The following LYPLAL1 variants were observed in gnomAD, a reference collection of about 807,000 sequenced individuals.
The protein encoded by LYPLAL1 is lysophospholipase like 1.
Under a neutral mutation model 19.7 loss-of-function variants are expected in LYPLAL1, and 23 were observed. The ratio of observed to expected loss-of-function variants is 1.17; its 90% CI spans 0.84 to 1.65. LYPLAL1 has a LOEUF of 1.65. Ranked by LOEUF, LYPLAL1 falls within the 40% of genes most tolerant of loss-of-function variation. The pLI is 0.00. For synonymous variants in LYPLAL1, 119 were observed against 96.3 expected, an observed-to-expected ratio of 1.24 and a Z score of -1.38; for missense variants, 355 against 279.4, an observed-to-expected ratio of 1.27 and a Z score of -1.93.
intron 3 of LYPLAL1, among the ~76,000 whole-genome samples, chr1:219,201,676 A>T (rs1658114799): frequency 6.6e-6 from 1 of 152,192 alleles, no homozygotes; most frequent in Admixed American, 6.5e-5. Flanking sequence ...TGAGATACAG[A>T]AAGAGACCAC....
chr1:219,371,972 G>C, the LYPLAL1 span, among the ~76,000 whole-genome samples: 151 of 152,264 alleles, frequency 9.9e-4, no homozygotes, highest in African/African-American at 3.4e-3. Flanking sequence ...GAAATCATCA[G>C]ACTTCCCTTC....
chr1:219,250,927 G>A, the LYPLAL1 span, among the ~76,000 whole-genome samples: 4 of 152,022 alleles, frequency 2.6e-5, no homozygotes, highest in Non-Finnish European at 5.9e-5. Context: ...CACCAACAGT[G>A]TATAAGTGTT....
the LYPLAL1 span, among the ~76,000 whole-genome samples, chr1:219,432,010 T>C: frequency 6.6e-6 from 1 of 152,242 alleles, no homozygotes; most frequent in Non-Finnish European, 1.5e-5. Flanking sequence ...TAGATGCTCA[T>C]TGATAGCAAC....
At chr1:219,396,709 T>C in the LYPLAL1 span, among the ~76,000 whole-genome samples, 1 of 152,230 alleles carries the variant, frequency 6.6e-6, no homozygotes, top group African/African-American at 2.4e-5. Context: ...GAAATTGTGT[T>C]CTGATTTTGC....
At chr1:219,208,868 T>TA (rs1358943832) in intron 3 of LYPLAL1, among the ~76,000 whole-genome samples, 5 of 152,114 alleles carry the variant, frequency 3.3e-5, no homozygotes, top group African/African-American at 9.7e-5. Flanking sequence ...TCTGTGTACT[T>TA]ACAATAAATG....
At chr1:219,217,382 G>GTGTGTGTGTGTGTGTGTT, downstream of LYPLAL1, among the ~76,000 whole-genome samples, 1 of 133,246 alleles carries the variant, frequency 7.5e-6, no homozygotes, top group South Asian at 2.3e-4. Flanking sequence ...CAGGTTTGGT[G>GTGTGTGTGTGTGTGTGTT]TGTGTGTGTG....
chr1:219,184,455 A>C (rs1376063211), intron 2 of LYPLAL1, among the ~76,000 whole-genome samples: 1 of 151,556 alleles, frequency 6.6e-6, no homozygotes, highest in African/African-American at 2.4e-5. Flanking sequence ...ATTTTATTTC[A>C]TTGTCTTGCT....
chr1:219,254,381 C>T, the LYPLAL1 span, among the ~76,000 whole-genome samples: 17 of 151,914 alleles, frequency 1.1e-4, no homozygotes, highest in Non-Finnish European at 2.4e-4. Context: ...TGACACTGGT[C>T]TGTGGGTTTA....
the LYPLAL1 span, among the ~76,000 whole-genome samples, chr1:219,399,421 C>T: frequency 5.9e-5 from 9 of 152,106 alleles, no homozygotes; most frequent in African/African-American, 1.9e-4. Context: ...ATGGCAGTTG[C>T]CAGGATAAGG....
At chr1:219,391,345 C>T in the LYPLAL1 span, among the ~76,000 whole-genome samples, 1 of 152,136 alleles carries the variant, frequency 6.6e-6, no homozygotes, top group South Asian at 2.1e-4. Context: ...ATGCAGACAG[C>T]CAAGCAAAAG....
At chr1:219,352,565 G>C in the LYPLAL1 span, among the ~76,000 whole-genome samples, 3 of 152,178 alleles carry the variant, frequency 2.0e-5, no homozygotes, top group East Asian at 5.8e-4. Flanking sequence ...ATTATATTGA[G>C]GAATAAATAA....
chr1:219,201,971 C>T (rs1167228467), intron 3 of LYPLAL1, among the ~76,000 whole-genome samples: 3 of 152,132 alleles, frequency 2.0e-5, no homozygotes, highest in Non-Finnish European at 4.4e-5. Flanking sequence ...AGCTGAACCT[C>T]TCGTATGTAT....
At chr1:219,384,054 A>G in the LYPLAL1 span, among the ~76,000 whole-genome samples, 1 of 152,184 alleles carries the variant, frequency 6.6e-6, no homozygotes, top group Admixed American at 6.5e-5. Flanking sequence ...TTCACAGCCC[A>G]TATGTCTTAT....
At chr1:219,329,769 C>T in the LYPLAL1 span, among the ~76,000 whole-genome samples, 7 of 152,062 alleles carry the variant, frequency 4.6e-5, no homozygotes, top group East Asian at 1.9e-4. Context: ...TTCTTTCTCT[C>T]GGTCAGCTAT....
chr1:219,404,995 GCA>G, the LYPLAL1 span, among the ~76,000 whole-genome samples: 1 of 152,174 alleles, frequency 6.6e-6, no homozygotes, highest in Non-Finnish European at 1.5e-5. Context: ...GGAAAAAAAT[GCA>G]TAGATAGTAA....
the LYPLAL1 span, among the ~76,000 whole-genome samples, chr1:219,244,911 C>CA: frequency 0.9 from 111,224 of 123,096 alleles, 50,797 homozygotes; most frequent in Middle Eastern, 0.98. Flanking sequence ...CATGCCACTG[C>CA]AAAAAAAAAA....
At chr1:219,419,594 C>CACACAGAG in the LYPLAL1 span, among the ~76,000 whole-genome samples, 137 of 99,606 alleles carry the variant, frequency 1.4e-3, 2 homozygotes, top group Middle Eastern at 5.4e-3. Flanking sequence ...CACACACACA[C>CACACAGAG]AGAGAGAGAG....
At chr1:219,372,831 G>A in the LYPLAL1 span, among the ~76,000 whole-genome samples, 2 of 152,050 alleles carry the variant, frequency 1.3e-5, no homozygotes, top group Non-Finnish European at 1.5e-5. Flanking sequence ...CTGAGCCTGG[G>A]AGGTAGAGGC....
chr1:219,262,790 C>T, the LYPLAL1 span, among the ~76,000 whole-genome samples: 1 of 152,146 alleles, frequency 6.6e-6, no homozygotes, highest in African/African-American at 2.4e-5. Flanking sequence ...TTATGTTTAG[C>T]GTTTTGGTTT....
Sources: allele counts gnomAD v4.1 joint callset (sites outside exome capture counted in the v4.1 genomes callset), GRCh38; gene constraint gnomAD v4.1.1; transcripts MANE v1.5; gene names NCBI Gene and HGNC (gene_info 2026-07-23, HGNC 2026-07-21).